CLIC4: variants seen among roughly 807,000 people sequenced by gnomAD.
CLIC4 encodes the protein CLIC family member 4, also known as chloride intracellular channel protein 4.
In CLIC4, 13 loss-of-function variants were observed where a neutral mutation model predicts 24.6. The ratio of observed to expected loss-of-function variants is 0.53; its 90% confidence interval spans 0.34 to 0.84. The LOEUF is 0.84. Ranked by LOEUF, CLIC4 falls within the 40% of genes least tolerant of loss-of-function variation. CLIC4 has a pLI of 0.01. For missense variants in CLIC4, 227 were observed against 301.7 expected (o/e 0.75, Z 1.83); for synonymous variants, 104 against 111.3 (o/e 0.93, Z 0.41).
chr1:24,798,793 TTGCAGGCACGC>T (rs1639436411), intron 2 of CLIC4, among the ~76,000 whole-genome samples: 2 of 150,978 alleles, frequency 1.3e-5, no homozygotes, highest in African/African-American at 4.8e-5. Context: ...GTGCCTGCGA[TTGCAGGCACGC>T]GCCGCCACGC....
At chr1:24,794,590 C>T (rs1199363693) in intron 1 of CLIC4, among the ~76,000 whole-genome samples, 1 of 152,096 alleles carries the variant, frequency 6.6e-6, no homozygotes, top group Non-Finnish European at 1.5e-5. Flanking sequence ...GATATTAGAC[C>T]TTTGTCAGAT....
intron 1 of CLIC4, among the ~76,000 whole-genome samples, chr1:24,751,864 C>CAAAAACAATCAAATCA (rs1473027735): frequency 2.0e-5 from 3 of 152,210 alleles, no homozygotes; most frequent in African/African-American, 7.2e-5. Context: ...GACTCTGTCT[C>CAAAAACAATCAAATCA]AAAAACAATC....
intron 1 of CLIC4, among the ~76,000 whole-genome samples, chr1:24,792,976 T>C (rs1639357041): frequency 6.6e-6 from 1 of 152,184 alleles, no homozygotes; most frequent in Non-Finnish European, 1.5e-5. Flanking sequence ...TTAGCCTGCT[T>C]TTAGTTTAAC....
chr1:24,791,590 A>C (rs1250198095), intron 1 of CLIC4, among the ~76,000 whole-genome samples: 1 of 151,682 alleles, frequency 6.6e-6, no homozygotes, highest in East Asian at 1.9e-4. Flanking sequence ...AAATACAAAA[A>C]TTGGGCCGGG....
At chr1:24,827,206 T>C in intron 4 of CLIC4, 90 bp downstream of exon 4, 4 of 767,054 alleles carry the variant, frequency 5.2e-6, no homozygotes, top group Non-Finnish European at 6.5e-6. Context: ...AATGAGTACT[T>C]TAGAGTCCAG....
chr1:24,830,720 A>G (rs1639831666), intron 4 of CLIC4, among the ~76,000 whole-genome samples: 1 of 152,126 alleles, frequency 6.6e-6, no homozygotes, highest in Non-Finnish European at 1.5e-5. Flanking sequence ...TTACTTTTAA[A>G]CTGATTTTGT....
At chr1:24,747,898 G>T (rs891765103) in intron 1 of CLIC4, among the ~76,000 whole-genome samples, 1 of 152,006 alleles carries the variant, frequency 6.6e-6, no homozygotes, top group Non-Finnish European at 1.5e-5. Flanking sequence ...AGCCAGGCAT[G>T]GTGGTGGGCC....
In CLIC4 at chr1:24,804,983, C is replaced by A. The variant is rs138805449; in HGVS notation, c.182+7132C>A. ...GGCATGGTGGTGAGTGCCTTAGTCCCAGCTACTCAGGAGGCTGAGGCAGGA... is the reference window on the plus strand; with the variant it reads ...GGCATGGTGGTGAGTGCCTTAGTCCAAGCTACTCAGGAGGCTGAGGCAGGA... On this transcript the variant is annotated intron_variant, in intron 2 of 5. Coordinates refer to ENST00000374379, the MANE Select transcript of CLIC4 (RefSeq NM_013943.3). Among the ~76,000 whole-genome samples, 855 of 150,118 alleles carry A rather than the reference C, an allele frequency of 5.7e-3. 2 individuals carry two copies. The highest frequency in any genetic ancestry group is 0.02 in the African/African-American group (801 of 40,708).
chr1:24,839,849 T>C lies in CLIC4; in HGVS notation c.416-11T>C, dbSNP rs41268781. The C allele has an allele frequency of 3.5e-3, 5,562 of 1,601,596 alleles. 15 individuals are homozygous for C. The highest frequency in any genetic ancestry group is 4.6e-3 in the Middle Eastern group (20 of 4,386). On this transcript the variant is annotated splice_polypyrimidine_tract_variant and intron_variant, in intron 4 of 5. Coordinates refer to ENST00000374379, the MANE Select transcript of CLIC4 (RefSeq NM_013943.3). The stretch of plus-strand genomic sequence containing the variant: ...CTTACAGTATTCTCATCTCTTTTTT[T>C]CCCCCCCAAGCACTGGAGAGGGGTC...
intron 1 of CLIC4, 101 bp downstream of exon 1, chr1:24,745,726 G>T: frequency 1.1e-6 from 1 of 904,462 alleles, no homozygotes; most frequent in South Asian, 2.3e-5. Flanking sequence ...CCCGCTCGGC[G>T]CCAGCACCCG....
chr1:24,822,472 C>T (rs1224561270), intron 3 of CLIC4, among the ~76,000 whole-genome samples: 1 of 150,798 alleles, frequency 6.6e-6, no homozygotes, highest in African/African-American at 2.4e-5. Flanking sequence ...CCTCAGCCTC[C>T]TGAGTAGCTG....
intron 1 of CLIC4, among the ~76,000 whole-genome samples, chr1:24,760,610 C>A (rs1032455471): frequency 6.6e-6 from 1 of 151,882 alleles, no homozygotes; most frequent in African/African-American, 2.4e-5. Flanking sequence ...TTTGGCTTTT[C>A]CACCCTCTCC....
intron 2 of CLIC4, among the ~76,000 whole-genome samples, chr1:24,802,323 TA>T (rs1030391838): frequency 1.3e-5 from 2 of 152,202 alleles, no homozygotes; most frequent in African/African-American, 4.8e-5. Context: ...TGCAGATTTG[TA>T]TATATATGTT....
At chr1:24,818,684 AAC>A (rs1443019680) in intron 3 of CLIC4, among the ~76,000 whole-genome samples, 1 of 152,156 alleles carries the variant, frequency 6.6e-6, no homozygotes, top group Non-Finnish European at 1.5e-5. Context: ...TAGTAAATAA[AAC>A]ACAGTTCTTG....
At chr1:24,802,263 T>C (rs1157238842) in intron 2 of CLIC4, among the ~76,000 whole-genome samples, 1 of 152,210 alleles carries the variant, frequency 6.6e-6, no homozygotes, top group Non-Finnish European at 1.5e-5. Flanking sequence ...TCTGTTTCTT[T>C]TCATTTGCAG....
At chr1:24,761,561 TCA>T (rs1361033635) in intron 1 of CLIC4, among the ~76,000 whole-genome samples, 1 of 152,158 alleles carries the variant, frequency 6.6e-6, no homozygotes, top group Non-Finnish European at 1.5e-5. Flanking sequence ...AGGGGCCACA[TCA>T]TGGAGGGCCT....
At chr1:24,794,367 T>TTA (rs1639373452) in intron 1 of CLIC4, among the ~76,000 whole-genome samples, 1 of 151,126 alleles carries the variant, frequency 6.6e-6, no homozygotes, top group Non-Finnish European at 1.5e-5. Flanking sequence ...TTTTTTTTTT[T>TTA]ACTTTTTGAA....
intron 1 of CLIC4, among the ~76,000 whole-genome samples, chr1:24,752,109 G>T (rs900018459): frequency 6.6e-6 from 1 of 152,098 alleles, no homozygotes; most frequent in Non-Finnish European, 1.5e-5. Context: ...GGACTCTGGA[G>T]CCACACTGCT....
At position 24,841,567 on chromosome 1, in the gene CLIC4, A is replaced by G. The variant is rs1278206350; in HGVS notation, c.*630A>G. ...TAGATTTTTACTTTTGCCTAAAAGCATTTATCCTTCATACCAATTGTAACA... is the reference window on the plus strand; with the variant it reads ...TAGATTTTTACTTTTGCCTAAAAGCGTTTATCCTTCATACCAATTGTAACA... On this transcript the variant is annotated 3_prime_UTR_variant, in exon 6 of 6. Transcript: ENST00000374379. 2.6e-5 allele frequency: 4 copies of G among 152,210 alleles called. No individual in the cohort carries two copies. The highest frequency in any genetic ancestry group is 4.4e-5 in the Non-Finnish European group (3 of 68,032). 9.4% of individuals were successfully genotyped at this position (152,210 alleles called of 1,614,324 possible).
Sources: gnomAD v4.1 joint callset for allele counts (sites outside exome capture counted in the v4.1 genomes callset) on GRCh38, gnomAD v4.1.1 for gene constraint, MANE v1.5 for transcripts, NCBI Gene and HGNC (gene_info 2026-07-23, HGNC 2026-07-21) for gene names.